The following RUNX1 variants were observed in gnomAD, a reference collection of about 807,000 sequenced individuals.
RUNX1 encodes runt-related transcription factor 1.
Under a neutral mutation model 42.8 loss-of-function variants are expected in RUNX1, and 19 were observed. The observed-to-expected ratio is 0.44, with a 90% confidence interval of 0.31 to 0.65. The LOEUF is 0.65. RUNX1 is among the 30% of genes least tolerant of loss of function. RUNX1 has a pLI of 0.07. For synonymous variants in RUNX1, 271 were observed against 289.4 expected, an observed-to-expected ratio of 0.94 and a Z score of 0.64; for missense variants, 528 against 672.0, an observed-to-expected ratio of 0.79 and a Z score of 2.37.
chr21:35,026,935 C>G (rs2059241687), intron 2 of RUNX1, among the ~76,000 whole-genome samples: 1 of 152,256 alleles, frequency 6.6e-6, no homozygotes, highest in East Asian at 1.9e-4. Flanking sequence ...CTCTCGCAAC[C>G]CTGCTTTAAC....
chr21:34,825,107 C>A (rs1174552450), intron 7 of RUNX1, among the ~76,000 whole-genome samples: 2 of 152,206 alleles, frequency 1.3e-5, no homozygotes, highest in Non-Finnish European at 2.9e-5. Flanking sequence ...GTGTAGTCAA[C>A]AATGCCTGGC....
intron 7 of RUNX1, among the ~76,000 whole-genome samples, chr21:34,803,904 A>G (rs141194751): frequency 2.6e-4 from 40 of 152,352 alleles, no homozygotes; most frequent in African/African-American, 8.7e-4. Flanking sequence ...ACCCTTTTAA[A>G]TAATTCATGT....
rs10673190 is a variant in RUNX1 at position 34,978,937 on chromosome 21, TACACACACACAC to T, written c.58+69893_58+69904del. Among the ~76,000 whole-genome samples the T allele has an allele frequency of 3.5e-3, 475 of 134,142 alleles. 3 individuals carry two copies. Among genetic ancestry groups the T allele is most frequent in the Middle Eastern group, 0.011 (3 of 272 alleles). The allele number at this position is 134,142 out of a possible 152,430, so 88.0% of individuals were successfully genotyped here. A position where few individuals can be genotyped will look rare whatever the true frequency, so the allele number is the denominator to read the frequency against. On this transcript the variant is annotated intron_variant, in intron 2 of 8. Coordinates refer to ENST00000675419, the MANE Select transcript of RUNX1 (RefSeq NM_001754.5). ...TTCTCAGACAAAACACACACACAGA[TACACACACACAC>T]ACACACACACACACACACACACACA... is the stretch of plus-strand genomic sequence containing the variant.
At chr21:34,903,353 T>C (rs1200012953) in intron 2 of RUNX1, among the ~76,000 whole-genome samples, 1 of 152,188 alleles carries the variant, frequency 6.6e-6, no homozygotes, top group African/African-American at 2.4e-5. Flanking sequence ...TCCTATTCAA[T>C]AAACAGATAA....
At chr21:35,032,446 G>A (rs141097009) in intron 2 of RUNX1, among the ~76,000 whole-genome samples, 1 of 152,188 alleles carries the variant, frequency 6.6e-6, no homozygotes, top group Admixed American at 6.5e-5. Flanking sequence ...GTGGAAAAGA[G>A]GGCATCCTTT....
chr21:34,849,592 T>C (rs886446071), intron 6 of RUNX1, among the ~76,000 whole-genome samples: 2 of 143,444 alleles, frequency 1.4e-5, no homozygotes, highest in African/African-American at 2.6e-5. Context: ...CACATAGAAG[T>C]TGATGAAAAT....
At chr21:34,945,133 C>CATA in intron 2 of RUNX1, among the ~76,000 whole-genome samples, 1 of 152,230 alleles carries the variant, frequency 6.6e-6, no homozygotes, top group African/African-American at 2.4e-5. Flanking sequence ...CTGTGATGTG[C>CATA]CAGCCATACA....
chr21:34,967,502 G>A (rs1197273810), intron 2 of RUNX1, among the ~76,000 whole-genome samples: 1 of 151,646 alleles, frequency 6.6e-6, no homozygotes, highest in African/African-American at 2.4e-5. Context: ...GGATCTCAGT[G>A]TTGTCTCAAA....
intron 6 of RUNX1, among the ~76,000 whole-genome samples, chr21:34,841,498 C>A (rs1418614248): frequency 6.6e-6 from 1 of 152,144 alleles, no homozygotes; most frequent in East Asian, 1.9e-4. Flanking sequence ...AGTGGCCTCT[C>A]AGGTGACATG....
chr21:34,899,611 G>A (rs1297635846), intron 2 of RUNX1, among the ~76,000 whole-genome samples: 23 of 152,136 alleles, frequency 1.5e-4, no homozygotes, highest in Admixed American at 1.5e-3. Flanking sequence ...CTTCTATCAG[G>A]CCTCACAAGG....
intron 5 of RUNX1, among the ~76,000 whole-genome samples, chr21:34,865,701 G>C (rs557455103): frequency 6.6e-6 from 1 of 152,278 alleles, no homozygotes; most frequent in African/African-American, 2.4e-5. Context: ...GCCAATTGTG[G>C]TCAAATAAAG....
intron 3 of RUNX1, chr21:34,888,041 G>T (rs1228813577): frequency 9.4e-7 from 1 of 1,066,196 alleles, no homozygotes; most frequent in African/African-American, 1.6e-5. Flanking sequence ...TAAGTTTGTG[G>T]CTGGTCCTCT....
At chr21:34,973,130 G>C (rs1194644669) in intron 2 of RUNX1, among the ~76,000 whole-genome samples, 3 of 152,134 alleles carry the variant, frequency 2.0e-5, no homozygotes, top group Non-Finnish European at 4.4e-5. Flanking sequence ...CTGTCTCTTA[G>C]AGACTATCTC....
intron 5 of RUNX1, among the ~76,000 whole-genome samples, chr21:34,864,912 G>A (rs1435169350): frequency 6.6e-6 from 1 of 152,086 alleles, no homozygotes; most frequent in African/African-American, 2.4e-5. Context: ...CCATGAAGGT[G>A]GAAACACAGT....
intron 6 of RUNX1, among the ~76,000 whole-genome samples, chr21:34,845,405 G>C (rs1284202141): frequency 6.6e-6 from 1 of 152,188 alleles, no homozygotes; most frequent in Non-Finnish European, 1.5e-5. Context: ...ATCCTTTCCC[G>C]ATTCGAAAGG....
chr21:34,958,621 C>G (rs1222440625), intron 2 of RUNX1, among the ~76,000 whole-genome samples: 3 of 152,194 alleles, frequency 2.0e-5, no homozygotes, highest in Non-Finnish European at 4.4e-5. Context: ...ACTAGTTCAA[C>G]CATTGTTGAA....
chr21:35,047,947 A>G (rs112112529), intron 2 of RUNX1, among the ~76,000 whole-genome samples: 2,017 of 152,258 alleles, frequency 0.013, 31 homozygotes, highest in South Asian at 0.042. Flanking sequence ...CACGAAAGAT[A>G]CACAAGACGC....
chr21:35,025,717 G>A (rs984877503), intron 2 of RUNX1, among the ~76,000 whole-genome samples: 2 of 152,166 alleles, frequency 1.3e-5, no homozygotes, highest in African/African-American at 4.8e-5. Flanking sequence ...AGGAAGAAAA[G>A]CTCATAGGAA....
rs78243547 is a variant in RUNX1 at position 34,871,560 on chromosome 21, C to T, written c.508+8997G>A. Among the ~76,000 whole-genome samples, 920 of 152,266 alleles carry T rather than the reference C, an allele frequency of 6.0e-3. 20 individuals are homozygous for T. The highest frequency in any genetic ancestry group is 0.055 in the East Asian group (283 of 5,172). ...GGGAACACCTAGGGGAGTCTCCCTACGGATTTTTGTTTTCAAATCATCGTG... is the reference window on the plus strand; with the variant it reads ...GGGAACACCTAGGGGAGTCTCCCTATGGATTTTTGTTTTCAAATCATCGTG... On this transcript the variant is annotated intron_variant, in intron 5 of 8. Coordinates refer to ENST00000675419, the MANE Select transcript of RUNX1 (RefSeq NM_001754.5).
Sources: gnomAD v4.1 joint callset for allele counts (sites outside exome capture counted in the v4.1 genomes callset) on GRCh38, gnomAD v4.1.1 for gene constraint, MANE v1.5 for transcripts, NCBI Gene and HGNC (gene_info 2026-07-23, HGNC 2026-07-21) for gene names.